Variants in TASP1 observed in about 807,000 individuals in gnomAD.
TASP1 encodes taspase 1, also known as threonine aspartase 1.
A neutral mutation model predicts 56.6 loss-of-function variants in TASP1; 16 were observed. That is an observed-to-expected ratio of 0.28 (90% CI 0.19 to 0.43). TASP1 has a LOEUF of 0.43. Among genes scored for constraint, TASP1 ranks in the 20% least tolerant of loss-of-function variants. The probability of loss-of-function intolerance (pLI) is 1.00; values close to 1 mark genes in which losing one functional copy is unlikely to be tolerated. For missense variants in TASP1, 393 were observed against 511.6 expected, an observed-to-expected ratio of 0.77 and a Z score of 2.24; for synonymous variants, 179 against 184.2, an observed-to-expected ratio of 0.97 and a Z score of 0.23.
At chr20:13,374,714 C>T in the TASP1 span, among the ~76,000 whole-genome samples, 1 of 152,082 alleles carries the variant, frequency 6.6e-6, no homozygotes, top group African/African-American at 2.4e-5. Flanking sequence ...GTTATTAGTT[C>T]ATCTCTTCCC....
At chr20:13,342,173 A>G in the TASP1 span, among the ~76,000 whole-genome samples, 26,679 of 152,192 alleles carry the variant, frequency 0.18, 3,224 homozygotes, top group African/African-American at 0.33. Flanking sequence ...CTACTCAGCC[A>G]GTTTTCTGGA....
chr20:13,563,167 A>G (rs2046407690), intron 7 of TASP1, among the ~76,000 whole-genome samples: 1 of 151,534 alleles, frequency 6.6e-6, no homozygotes, highest in Non-Finnish European at 1.5e-5. Context: ...AAAATTGTGT[A>G]CCCAAATATT....
the TASP1 span, among the ~76,000 whole-genome samples, chr20:13,331,253 T>C: frequency 4.6e-5 from 7 of 152,188 alleles, no homozygotes; most frequent in Admixed American, 4.6e-4. Flanking sequence ...CTTTCCTGCC[T>C]TTTAGGGAGG....
At chr20:13,378,620 G>A in the TASP1 span, among the ~76,000 whole-genome samples, 1 of 152,130 alleles carries the variant, frequency 6.6e-6, no homozygotes, top group Non-Finnish European at 1.5e-5. Flanking sequence ...TTCGAGTCCT[G>A]AATATCCTTG....
chr20:13,422,368 A>G (rs1308979227), intron 12 of TASP1, among the ~76,000 whole-genome samples: 1 of 152,162 alleles, frequency 6.6e-6, no homozygotes, highest in Non-Finnish European at 1.5e-5. Context: ...GCTGTCCTCT[A>G]TGCTTTTTTT....
the TASP1 span, among the ~76,000 whole-genome samples, chr20:13,358,225 C>A: frequency 6.6e-6 from 1 of 152,192 alleles, no homozygotes; most frequent in Non-Finnish European, 1.5e-5. Flanking sequence ...TATCTCCCTT[C>A]GCTGACTTTC....
At chr20:13,287,603 TTGA>T in the TASP1 span, among the ~76,000 whole-genome samples, 1 of 152,216 alleles carries the variant, frequency 6.6e-6, no homozygotes, top group African/African-American at 2.4e-5. Context: ...TTTGTGTTTA[TTGA>T]TGATTGTTTC....
chr20:13,323,434 G>A, the TASP1 span, among the ~76,000 whole-genome samples: 1 of 152,120 alleles, frequency 6.6e-6, no homozygotes, highest in African/African-American at 2.4e-5. Flanking sequence ...ATAACCCAGT[G>A]TGTTACCAAA....
At chr20:13,448,891 C>CAA (rs201432764) in intron 11 of TASP1, among the ~76,000 whole-genome samples, 1 of 151,382 alleles carries the variant, frequency 6.6e-6, no homozygotes, top group Non-Finnish European at 1.5e-5. Flanking sequence ...AACCAACAAA[C>CAA]AAAAAAAACC....
the TASP1 span, among the ~76,000 whole-genome samples, chr20:13,264,529 C>T: frequency 1.3e-5 from 2 of 152,212 alleles, no homozygotes; most frequent in African/African-American, 4.8e-5. Context: ...TGCCCTGTGG[C>T]TTGGTTGTCC....
At chr20:13,546,684 G>A (rs1280495418) in intron 8 of TASP1, among the ~76,000 whole-genome samples, 1 of 152,206 alleles carries the variant, frequency 6.6e-6, no homozygotes, top group Non-Finnish European at 1.5e-5. Flanking sequence ...GCATTAACAG[G>A]AAAGGCACTT....
chr20:13,216,363 A>G, the TASP1 span, among the ~76,000 whole-genome samples: 321 of 152,300 alleles, frequency 2.1e-3, 2 homozygotes, highest in African/African-American at 7.4e-3. Flanking sequence ...ACAGCCTCTA[A>G]AACAAGGTGG....
chr20:13,580,691 T>G (rs2047088958), intron 6 of TASP1, among the ~76,000 whole-genome samples: 2 of 152,162 alleles, frequency 1.3e-5, no homozygotes, highest in South Asian at 4.1e-4. Context: ...ATGAGCCCAG[T>G]TGAACACTGA....
rs980705254 is a variant in TASP1, at chr20:13,583,848, G to C, written c.404-2867C>G. On this transcript the variant is annotated intron_variant, in intron 5 of 13. Coordinates refer to ENST00000337743, the MANE Select transcript of TASP1 (RefSeq NM_017714.3). Reference sequence around the variant, plus strand: ...TGTAATCTCAGCACTTTAGGAGGCTGGTGGGTGGATCACCTGAGGTTAGGA... The same window carrying C: ...TGTAATCTCAGCACTTTAGGAGGCTCGTGGGTGGATCACCTGAGGTTAGGA... Among the ~76,000 whole-genome samples the C allele has an allele frequency of 2.3e-4, 35 of 152,286 alleles. No individual in the cohort carries two copies. The East Asian group carries it at 3.1e-3, about 13-fold the overall frequency.
At chr20:13,472,971 C>G (rs985729034) in intron 11 of TASP1, among the ~76,000 whole-genome samples, 3 of 152,108 alleles carry the variant, frequency 2.0e-5, no homozygotes, top group Non-Finnish European at 4.4e-5. Context: ...TTGACCCAGC[C>G]ATCCCATTAC....
the TASP1 span, among the ~76,000 whole-genome samples, chr20:13,148,782 G>A: frequency 4.8e-4 from 73 of 152,202 alleles, no homozygotes; most frequent in Non-Finnish European, 5.3e-4. Flanking sequence ...TAATGGGTCT[G>A]GGGTGCAGCC....
the TASP1 span, among the ~76,000 whole-genome samples, chr20:13,369,219 G>A: frequency 5.9e-5 from 9 of 152,184 alleles, no homozygotes; most frequent in Non-Finnish European, 1.2e-4. Flanking sequence ...GCTGAGGCAG[G>A]TGGATCACTT....
At chr20:13,572,667 C>T (rs957180705) in intron 6 of TASP1, among the ~76,000 whole-genome samples, 1 of 114,498 alleles carries the variant, frequency 8.7e-6, no homozygotes, top group Non-Finnish European at 1.6e-5. Flanking sequence ...GTCTAGGTGA[C>T]AGAGTGAGAC....
chr20:13,525,924 T>C (rs945639229), intron 10 of TASP1, among the ~76,000 whole-genome samples: 7 of 152,178 alleles, frequency 4.6e-5, no homozygotes, highest in Non-Finnish European at 1.0e-4. Context: ...GTTAAAAAGC[T>C]ACACTGGATG....
Sources: allele counts gnomAD v4.1 joint callset (sites outside exome capture counted in the v4.1 genomes callset), GRCh38; gene constraint gnomAD v4.1.1; transcripts MANE v1.5; gene names NCBI Gene and HGNC (gene_info 2026-07-23, HGNC 2026-07-21).